CLDN10: variants seen among roughly 807,000 people sequenced by gnomAD.
CLDN10 encodes claudin-10.
Under a neutral mutation model 22.9 loss-of-function variants are expected in CLDN10, and 15 were observed. The ratio of observed to expected loss-of-function variants is 0.65; its 90% CI spans 0.44 to 1.01. The LOEUF is 1.01. Among genes scored for constraint, CLDN10 ranks in the 50% least tolerant of loss-of-function variants. CLDN10 has a pLI of 0.00. For synonymous variants in CLDN10, 114 were observed against 111.4 expected (o/e 1.02, Z -0.15); for missense variants, 247 against 287.8 (o/e 0.86, Z 1.03).
intron 1 of CLDN10, among the ~76,000 whole-genome samples, chr13:95,446,580 G>A (rs759404416): frequency 2.0e-5 from 3 of 152,204 alleles, no homozygotes; most frequent in South Asian, 2.1e-4. Flanking sequence ...AGTGGCTCAC[G>A]CCTGTAATCC....
chr13:95,517,854 A>T (rs546366931), intron 1 of CLDN10, among the ~76,000 whole-genome samples: 1 of 150,494 alleles, frequency 6.6e-6, no homozygotes, highest in South Asian at 2.1e-4. Context: ...GAATCACTTG[A>T]ACCCAGGAGG....
intron 1 of CLDN10, among the ~76,000 whole-genome samples, chr13:95,557,765 G>A (rs961409525): frequency 3.3e-5 from 5 of 152,088 alleles, no homozygotes; most frequent in African/African-American, 4.8e-5. Flanking sequence ...GGGCTGGGAC[G>A]GGGCATCTCA....
chr13:95,470,186 T>G (rs2042616913), intron 1 of CLDN10, among the ~76,000 whole-genome samples: 1 of 152,208 alleles, frequency 6.6e-6, no homozygotes, highest in African/African-American at 2.4e-5. Flanking sequence ...ACCAGAAATA[T>G]GCACAGGGAA....
rs1953844132 is a variant in CLDN10, at chr13:95,481,301, G to C, written c.214+47254G>C. On this transcript the variant is annotated intron_variant, in intron 1 of 4. Transcript: ENST00000376873. ...GTGCGGACCTTGCCTGCACTGAGGG[G>C]AAGGGCAGCAGAGGATGGCCGGGGC... 5.3e-5 allele frequency among the ~76,000 whole-genome samples: 8 copies of C among 152,308 alleles called. 1 individual carries two copies. The highest frequency in any genetic ancestry group is 5.2e-4 in the Admixed American group (8 of 15,298).
chr13:95,576,046 C>T (rs1780227610), intron 3 of CLDN10, among the ~76,000 whole-genome samples: 1 of 152,148 alleles, frequency 6.6e-6, no homozygotes, highest in South Asian at 2.1e-4. Context: ...TCAGACCACA[C>T]CAGAAAGCCT....
At chr13:95,501,769 TG>T (rs2042988183) in intron 1 of CLDN10, among the ~76,000 whole-genome samples, 2 of 152,244 alleles carry the variant, frequency 1.3e-5, no homozygotes, top group Admixed American at 1.3e-4. Context: ...AAATGTTTGG[TG>T]GTCCATTTAC....
intron 1 of CLDN10, among the ~76,000 whole-genome samples, chr13:95,545,827 G>T (rs925768235): frequency 6.6e-6 from 1 of 152,156 alleles, no homozygotes; most frequent in Non-Finnish European, 1.5e-5. Flanking sequence ...AGGGAAGAAG[G>T]GTGGGTGCTC....
chr13:95,433,795 G>C (rs758384695), exon 1 of CLDN10: 9 of 1,608,256 alleles, frequency 5.6e-6, no homozygotes, highest in Non-Finnish European at 7.7e-6. Context: ...CCACCAAAGC[G>C]TTCTGACCGG....
At chr13:95,459,199 T>C (rs142018331) in intron 1 of CLDN10, among the ~76,000 whole-genome samples, 69 of 152,270 alleles carry the variant, frequency 4.5e-4, no homozygotes, top group African/African-American at 1.6e-3. Context: ...TGGCGTTGAG[T>C]GTCTGCAACT....
intron 1 of CLDN10, among the ~76,000 whole-genome samples, chr13:95,468,259 G>T (rs2042598340): frequency 6.6e-6 from 1 of 151,892 alleles, no homozygotes; most frequent in African/African-American, 2.4e-5. Context: ...TTTGGTAATT[G>T]TCTTACCTCT....
intron 1 of CLDN10, among the ~76,000 whole-genome samples, chr13:95,458,421 G>C (rs1003530693): frequency 6.6e-6 from 1 of 152,132 alleles, no homozygotes; most frequent in African/African-American, 2.4e-5. Context: ...AAAGGAAAGA[G>C]GTTTAATCAA....
In CLDN10 at chr13:95,496,574, C is replaced by T. The variant is rs183029191; in HGVS notation, c.214+62527C>T. Among the ~76,000 whole-genome samples, 451 of 152,310 alleles carry T rather than the reference C, an allele frequency of 3.0e-3. 5 individuals are homozygous for T. The highest frequency in any genetic ancestry group is 0.02 in the South Asian group (95 of 4,826). On this transcript the variant is annotated intron_variant, in intron 1 of 4. Coordinates refer to the CLDN10 transcript ENST00000376873. ...ATGGCTCTGGAGGCTGGGAAGTTCA[C>T]GGTCAAGGGCCGGCAGATTGAGTTC...
intron 3 of CLDN10, among the ~76,000 whole-genome samples, chr13:95,575,122 G>C (rs1383244006): frequency 6.6e-6 from 1 of 152,132 alleles, no homozygotes; most frequent in African/African-American, 2.4e-5. Context: ...AAAAATCTCA[G>C]ACCATGTTTT....
At position 95,560,269 on chromosome 13, in the gene CLDN10, G is replaced by T. The variant is rs771988001; in HGVS notation, c.358G>T (p.Ala120Ser). The change falls in exon 2 of 5, where the codon GCT becomes TCT. Residue 120 changes from alanine (A) to serine (S), a missense_variant. Ala to Ser is a moderately conservative substitution (Grantham distance 99). Coordinates refer to ENST00000299339, the MANE Select transcript of CLDN10 (RefSeq NM_006984.5). Reference protein sequence around the residue: ...DKAKAKIACLAGIVFILSGLC... With the variant: ...DKAKAKIACLSGIVFILSGLC... ...AGCCAAAGCTAAAATTGCTTGTTTG[G>T]CTGGGATTGTATTCATACTGTCAGG... 2.9e-5 allele frequency: 47 copies of T among 1,614,056 alleles called. No homozygotes were observed. Among genetic ancestry groups the T allele is most frequent in the Admixed American group, 5.0e-5 (3 of 59,998 alleles).
At chr13:95,436,548 A>G (rs1389143538) in intron 1 of CLDN10, among the ~76,000 whole-genome samples, 1 of 152,176 alleles carries the variant, frequency 6.6e-6, no homozygotes, top group East Asian at 1.9e-4. Context: ...TATCTCCTGT[A>G]TACCCTGCAC....
At chr13:95,492,897 A>C (rs1420662912) in intron 1 of CLDN10, among the ~76,000 whole-genome samples, 2 of 152,064 alleles carry the variant, frequency 1.3e-5, no homozygotes, top group Non-Finnish European at 1.5e-5. Context: ...AACTTGACTC[A>C]GCTTGAGGTA....
rs79003621 is a variant in CLDN10, at chr13:95,470,670, T to C, written c.214+36623T>C. Among the ~76,000 whole-genome samples, 136 of 152,228 alleles carry C rather than the reference T, an allele frequency of 8.9e-4. 2 individuals are homozygous for C. The East Asian group carries it at 0.024, about 27-fold the overall frequency. On this transcript the variant is annotated intron_variant, in intron 1 of 4. Coordinates refer to the CLDN10 transcript ENST00000376873. ...ACCCCTCTTCACGAATGAAAAGACA[T>C]GCTTTGCGGGAATCACAGCAACTTC...
chr13:95,552,824 C>T lies in CLDN10; in HGVS notation c.71C>T (p.Thr24Met). 6.2e-7 allele frequency: 1 copy of T among 1,614,090 alleles called. No individual in the cohort carries two copies. The highest frequency in any genetic ancestry group is 2.2e-5 in the East Asian group (1 of 44,874). ...TCAGGCTGGGTACTGGTGTCCTCCA[C>T]GCTGCCCACCGACTACTGGAAGGTG... The part of the protein sequence containing the change: ...SISGWVLVSS[T>M]LPTDYWKVST... Residue 24 changes from threonine to methionine, a missense_variant, in exon 1 of 5, where the codon ACG becomes ATG. Coordinates refer to ENST00000299339, the MANE Select transcript of CLDN10 (RefSeq NM_006984.5).
chr13:95,488,594 A>T (rs192845541), intron 1 of CLDN10, among the ~76,000 whole-genome samples: 68 of 152,038 alleles, frequency 4.5e-4, no homozygotes, highest in African/African-American at 1.5e-3. Flanking sequence ...TAGCTCCCAC[A>T]TATCAGTGAG....
Sources: gnomAD v4.1 joint callset for allele counts (sites outside exome capture counted in the v4.1 genomes callset) on GRCh38, gnomAD v4.1.1 for gene constraint, MANE v1.5 for transcripts, NCBI Gene and HGNC (gene_info 2026-07-23, HGNC 2026-07-21) for gene names.